The following PLEKHA8 variants were observed in gnomAD, a reference collection of about 807,000 sequenced individuals.
PLEKHA8 encodes pleckstrin homology domain-containing family A member 8.
PLEKHA8 carries 36 observed loss-of-function variants against 68.2 expected under a neutral mutation model. The ratio of observed to expected loss-of-function variants is 0.53; its 90% CI spans 0.40 to 0.70. The LOEUF (loss-of-function observed/expected upper bound fraction) is 0.70, where lower values mean the gene tolerates loss of function less well. PLEKHA8 is among the 30% of genes least tolerant of loss of function. PLEKHA8 has a pLI of 0.00. For synonymous variants in PLEKHA8, 211 were observed against 216.1 expected, an observed-to-expected ratio of 0.98 and a Z score of 0.20; for missense variants, 505 against 615.4, an observed-to-expected ratio of 0.82 and a Z score of 1.90.
rs1473807761 is a variant in PLEKHA8, at chr7:30,080,800, C to T, written c.*2013C>T. On this transcript the variant is annotated 3_prime_UTR_variant, in exon 14 of 14. Transcript: ENST00000449726. Reference sequence around the variant, plus strand: ...TTAGTATGAATATGATGGCAGGACTCGGGGATAGTCCCTGCCCTTGACATA... The same window carrying T: ...TTAGTATGAATATGATGGCAGGACTTGGGGATAGTCCCTGCCCTTGACATA... The T allele has an allele frequency of 2.3e-5, 23 of 985,134 alleles. No individual in the cohort carries two copies. The highest frequency in any genetic ancestry group is 2.3e-4 in the East Asian group (2 of 8,814). 61.0% of individuals were successfully genotyped at this position (985,134 alleles called of 1,614,324 possible). A position where few individuals can be genotyped will look rare whatever the true frequency, so the allele number is the denominator to read the frequency against.
chr7:30,042,205 G>C (rs1011110139), intron 1 of PLEKHA8, among the ~76,000 whole-genome samples: 1 of 152,096 alleles, frequency 6.6e-6, no homozygotes, highest in Non-Finnish European at 1.5e-5. Context: ...GAACTTAACC[G>C]TGAGCTCTCC....
chr7:30,029,367 C>T (rs575243158), intron 1 of PLEKHA8, among the ~76,000 whole-genome samples: 38 of 152,290 alleles, frequency 2.5e-4, no homozygotes, highest in African/African-American at 7.0e-4. Flanking sequence ...TTTATTTTCT[C>T]GTTGAGCATT....
In PLEKHA8 at chr7:30,078,858, C is replaced by G; in HGVS notation, c.*71C>G. 6.5e-7 allele frequency: 1 copy of G among 1,535,936 alleles called. No homozygotes were observed. Among genetic ancestry groups the G allele is most frequent in the Non-Finnish European group, 8.8e-7 (1 of 1,140,558 alleles). On this transcript the variant is annotated 3_prime_UTR_variant, in exon 14 of 14. Transcript: ENST00000449726. Reference sequence around the variant, plus strand: ...GTGTTTTGTTGCCCTACTTAATTTCCAGCAACAGCCTCAACCCTCTCCAAC... The same window carrying G: ...GTGTTTTGTTGCCCTACTTAATTTCGAGCAACAGCCTCAACCCTCTCCAAC...
At chr7:30,049,682 A>T (rs1792253231) in intron 5 of PLEKHA8, among the ~76,000 whole-genome samples, 1 of 152,178 alleles carries the variant, frequency 6.6e-6, no homozygotes, top group Non-Finnish European at 1.5e-5. Context: ...TGACCCTTCC[A>T]GTCAACCACA....
downstream of PLEKHA8, among the ~76,000 whole-genome samples, chr7:30,095,098 C>A (rs1420821429): frequency 2.0e-5 from 3 of 152,172 alleles, no homozygotes; most frequent in Admixed American, 6.5e-5. Flanking sequence ...GAGGAATCAC[C>A]ACACTGACTT....
chr7:30,123,387 C>G (rs1796723660), intron 13 of PLEKHA8, among the ~76,000 whole-genome samples: 1 of 152,198 alleles, frequency 6.6e-6, no homozygotes. Context: ...AACATTTCAG[C>G]ATCACACTTG....
In PLEKHA8 at chr7:30,084,142, G is replaced by A. The variant is rs1795081066; in HGVS notation, c.*5355G>A. 1.0e-6 allele frequency: 1 copy of A among 985,072 alleles called. No homozygotes were observed. The highest frequency in any genetic ancestry group is 1.7e-5 in the African/African-American group (1 of 57,226). 61.0% of individuals were successfully genotyped at this position (985,072 alleles called of 1,614,324 possible). On this transcript the variant is annotated 3_prime_UTR_variant, in exon 14 of 14. Coordinates refer to ENST00000449726, the MANE Select transcript of PLEKHA8 (RefSeq NM_001197026.2). ...TCAGATAAATTTAATCTGGTTAATA[G>A]ACTTAACAAATTAATGTCTACATAA...
At chr7:30,028,880 C>T (rs955473547) in intron 1 of PLEKHA8, 78 bp downstream of exon 1, 6 of 1,228,036 alleles carry the variant, frequency 4.9e-6, no homozygotes, top group Admixed American at 4.2e-5. Flanking sequence ...TGTCTGGACC[C>T]GTCTTAGGGA....
At chr7:30,044,120 C>T (rs146206709) in intron 1 of PLEKHA8, among the ~76,000 whole-genome samples, 174 of 151,314 alleles carry the variant, frequency 1.1e-3, no homozygotes, top group African/African-American at 4.0e-3. Context: ...GATTCTCCTG[C>T]CTCAGCCTCC....
chr7:30,052,519 C>A (rs535691228), intron 6 of PLEKHA8, among the ~76,000 whole-genome samples, 190 bp from the exon 7 acceptor site: 22 of 151,716 alleles, frequency 1.5e-4, no homozygotes, highest in Admixed American at 1.4e-3. Flanking sequence ...ACCTGTAGTC[C>A]GAGCTACTCA....
In PLEKHA8 at chr7:30,045,113, T is replaced by C. The variant is rs888279181; in HGVS notation, c.69T>C (p.Cys23=). 3.7e-6 allele frequency: 6 copies of C among 1,609,888 alleles called. No individual in the cohort carries two copies. In the African/African-American group the frequency reaches 8.0e-5, roughly 22 times the overall value. Residue 23 remains cysteine, a synonymous_variant, in exon 2 of 14, where the codon TGT becomes TGC. Coordinates refer to ENST00000449726, the MANE Select transcript of PLEKHA8 (RefSeq NM_001197026.2). ...GGCAGCCTCGATGGTTCCTTCTCTG[T>C]GGGGGAATATTGTCCTATTATGATT... is the stretch of plus-strand genomic sequence containing the variant. ...SGWQPRWFLL[C]GGILSYYDSP...
intron 9 of PLEKHA8, among the ~76,000 whole-genome samples, 199 bp downstream of exon 9, chr7:30,055,541 T>C (rs1016931668): frequency 1.3e-5 from 2 of 152,256 alleles, no homozygotes; most frequent in Non-Finnish European, 2.9e-5. Context: ...TAATAATGAT[T>C]AAATATTGAC....
chr7:30,119,077 C>T (rs1020454530), intron 13 of PLEKHA8, among the ~76,000 whole-genome samples: 3 of 152,324 alleles, frequency 2.0e-5, no homozygotes, highest in East Asian at 1.9e-4. Flanking sequence ...TTCATCACCT[C>T]GGGTCAGGGG....
At chr7:30,126,247 A>C (rs1159553808) in intron 13 of PLEKHA8, among the ~76,000 whole-genome samples, 1 of 152,014 alleles carries the variant, frequency 6.6e-6, no homozygotes, top group Non-Finnish European at 1.5e-5. Context: ...TCAGAGCTTC[A>C]TGGAGAAGGA....
chr7:30,115,862 G>T (rs1388022808), intron 13 of PLEKHA8: 1 of 146,728 alleles, frequency 6.8e-6, no homozygotes, highest in Admixed American at 6.8e-5. Context: ...ATACATACGT[G>T]CACATACATG....
intron 1 of PLEKHA8, among the ~76,000 whole-genome samples, chr7:30,040,806 C>T (rs1791473295): frequency 6.6e-6 from 1 of 152,110 alleles, no homozygotes; most frequent in Admixed American, 6.5e-5. Flanking sequence ...TAAAACTCTC[C>T]CCTGCTCATT....
chr7:30,085,013 C>G (rs377112386), downstream of PLEKHA8, among the ~76,000 whole-genome samples: 1 of 151,150 alleles, frequency 6.6e-6, no homozygotes, highest in Admixed American at 6.6e-5. Flanking sequence ...GGCACAATCT[C>G]AGCTCGCTGT....
chr7:30,044,069 A>G (rs1479298915), intron 1 of PLEKHA8, among the ~76,000 whole-genome samples: 2 of 151,608 alleles, frequency 1.3e-5, no homozygotes, highest in Non-Finnish European at 2.9e-5. Context: ...GTCTCAAAAA[A>G]GATCTCGGCT....
intron 13 of PLEKHA8, among the ~76,000 whole-genome samples, chr7:30,101,305 C>G (rs186985667): frequency 1.7e-3 from 260 of 152,274 alleles, no homozygotes; most frequent in African/African-American, 6.0e-3. Context: ...CTGTTTTAGT[C>G]TGTTGAGGCT....
Sources: allele counts gnomAD v4.1 joint callset (sites outside exome capture counted in the v4.1 genomes callset), GRCh38; gene constraint gnomAD v4.1.1; transcripts MANE v1.5; gene names NCBI Gene and HGNC (gene_info 2026-07-23, HGNC 2026-07-21).